HS3ST2: variants seen among roughly 807,000 people sequenced by gnomAD.
The protein encoded by HS3ST2 is heparan sulfate glucosamine 3-O-sulfotransferase 2.
In HS3ST2, 17 loss-of-function variants were observed where a neutral mutation model predicts 26.3. That is an observed-to-expected ratio of 0.65 (90% confidence interval 0.44 to 0.97). The LOEUF (loss-of-function observed/expected upper bound fraction) is 0.97, where lower values mean the gene tolerates loss of function less well. Among genes scored for constraint, HS3ST2 ranks in the 50% least tolerant of loss-of-function variants. The pLI is 0.00. For missense variants in HS3ST2, 402 were observed against 501.2 expected (o/e 0.80, Z 1.89); for synonymous variants, 237 against 219.2 (o/e 1.08, Z -0.72).
rs566821730 is a variant in HS3ST2 at position 22,860,392 on chromosome 16, C to T, written c.485+45297C>T. 3.3e-5 allele frequency among the ~76,000 whole-genome samples: 5 copies of T among 152,222 alleles called. No individual in the cohort carries two copies. The South Asian group carries it at 1.0e-3, about 32-fold the overall frequency. ...TGATTTAACTACCTCCCACTGGGTC[C>T]CTCCCATGACACATGGGAATTATGG... is the stretch of plus-strand genomic sequence containing the variant. On this transcript the variant is annotated intron_variant, in intron 1 of 1. Transcript: ENST00000261374.
At chr16:22,830,147 A>G (rs1420530775) in intron 1 of HS3ST2, among the ~76,000 whole-genome samples, 1 of 150,304 alleles carries the variant, frequency 6.7e-6, no homozygotes, top group African/African-American at 2.4e-5. Flanking sequence ...TGATGCTGTC[A>G]CTGCTTCTCT....
chr16:22,836,401 A>G (rs1057134829), intron 1 of HS3ST2, among the ~76,000 whole-genome samples: 1 of 152,202 alleles, frequency 6.6e-6, no homozygotes, highest in Admixed American at 6.5e-5. Flanking sequence ...GCCTCAGGAA[A>G]CTTACAACCA....
chr16:22,841,596 C>T (rs1901357315), intron 1 of HS3ST2, among the ~76,000 whole-genome samples: 1 of 152,210 alleles, frequency 6.6e-6, no homozygotes, highest in African/African-American at 2.4e-5. Context: ...ATTCCTATCA[C>T]CACCCCCACC....
intron 1 of HS3ST2, among the ~76,000 whole-genome samples, chr16:22,883,790 G>A (rs560763650): frequency 6.6e-6 from 1 of 152,298 alleles, no homozygotes; most frequent in African/African-American, 2.4e-5. Context: ...ATTGAAGAAT[G>A]AATCTGGAAC....
intron 1 of HS3ST2, among the ~76,000 whole-genome samples, chr16:22,884,849 T>TA (rs1425215575): frequency 6.7e-6 from 1 of 149,000 alleles, no homozygotes; most frequent in Non-Finnish European, 1.5e-5. Flanking sequence ...TCTCTGTCTT[T>TA]TTTTTTTTTT....
intron 1 of HS3ST2, among the ~76,000 whole-genome samples, chr16:22,840,354 T>TAAAC: frequency 6.6e-6 from 1 of 152,144 alleles, no homozygotes; most frequent in East Asian, 1.9e-4. Context: ...ACCTTTGCAA[T>TAAAC]TTACCAGCAG....
chr16:22,908,059 C>G (rs547189646), intron 1 of HS3ST2, among the ~76,000 whole-genome samples: 1 of 152,062 alleles, frequency 6.6e-6, no homozygotes, highest in African/African-American at 2.4e-5. Flanking sequence ...CCTGGGAGGT[C>G]GAGGCTGCAG....
Position 22,915,413 on chromosome 16 carries a change from T to A in HS3ST2, c.955T>A (p.Ser319Thr), listed in dbSNP as rs758544841. The A allele has an allele frequency of 5.6e-6, 9 of 1,613,826 alleles. No homozygotes were observed. In the East Asian group the frequency reaches 1.8e-4, roughly 32 times the overall value. Residue 319 changes from serine (S) to threonine (T), a missense_variant, in exon 2 of 2, where the codon TCG (serine) becomes ACG (threonine). Ser to Thr is a moderately conservative substitution (Grantham distance 58). Transcript: ENST00000261374. ...KGFPCLKKTESSLLPRCLGKS... is the reference protein window; with the variant it reads ...KGFPCLKKTETSLLPRCLGKS... ...ATTCCCTTGCTTGAAAAAAACAGAA[T>A]CGAGCCTCCTGCCTCGATGCTTGGG...
intron 1 of HS3ST2, among the ~76,000 whole-genome samples, chr16:22,871,995 G>T (rs1213320893): frequency 6.6e-6 from 1 of 152,220 alleles, no homozygotes; most frequent in Non-Finnish European, 1.5e-5. Flanking sequence ...AACGATTACA[G>T]ATGGTGCCAG....
intron 1 of HS3ST2, among the ~76,000 whole-genome samples, chr16:22,841,768 A>G (rs1475449628): frequency 6.6e-6 from 1 of 152,158 alleles, no homozygotes; most frequent in East Asian, 1.9e-4. Flanking sequence ...TCGTCTTATG[A>G]GTTCAGTTGC....
chr16:22,844,545 A>C (rs927428946), intron 1 of HS3ST2, among the ~76,000 whole-genome samples: 2 of 152,080 alleles, frequency 1.3e-5, no homozygotes, highest in Non-Finnish European at 2.9e-5. Context: ...CCGAAACCTC[A>C]TGTTGAATTG....
intron 1 of HS3ST2, among the ~76,000 whole-genome samples, chr16:22,827,198 T>G (rs998245064): frequency 7.2e-5 from 11 of 151,940 alleles, no homozygotes; most frequent in African/African-American, 2.7e-4. Context: ...GCTGGCATGT[T>G]TGAGGAAAAC....
intron 1 of HS3ST2, among the ~76,000 whole-genome samples, chr16:22,914,051 T>C (rs757513864): frequency 2.0e-5 from 3 of 151,786 alleles, no homozygotes; most frequent in Non-Finnish European, 4.4e-5. Context: ...GGTGAGAGGA[T>C]CAATGGAGCC....
intron 1 of HS3ST2, among the ~76,000 whole-genome samples, chr16:22,885,883 C>T (rs1902052558): frequency 6.6e-6 from 1 of 152,164 alleles, no homozygotes; most frequent in Non-Finnish European, 1.5e-5. Flanking sequence ...TGCCTGGAGT[C>T]AGAGATAGGG....
intron 1 of HS3ST2, among the ~76,000 whole-genome samples, chr16:22,865,167 A>G (rs1901734249): frequency 6.6e-6 from 1 of 152,072 alleles, no homozygotes; most frequent in South Asian, 2.1e-4. Flanking sequence ...TTGAAACCTC[A>G]TTTAAGAAGA....
intron 1 of HS3ST2, among the ~76,000 whole-genome samples, chr16:22,843,813 G>A (rs1344672446): frequency 1.3e-5 from 2 of 152,182 alleles, no homozygotes; most frequent in Admixed American, 6.5e-5. Context: ...AGCATATAGG[G>A]TGGAGACCCT....
intron 1 of HS3ST2, among the ~76,000 whole-genome samples, chr16:22,820,861 G>C (rs534619907): frequency 2.2e-4 from 34 of 152,190 alleles, no homozygotes; most frequent in Non-Finnish European, 4.4e-4. Context: ...CCACTGAAAG[G>C]TTCTAAGAAG....
chr16:22,885,122 T>G (rs1443713416), intron 1 of HS3ST2, among the ~76,000 whole-genome samples: 1 of 152,086 alleles, frequency 6.6e-6, no homozygotes, highest in African/African-American at 2.4e-5. Flanking sequence ...ATTACAGGCA[T>G]AAGCCATCGC....
rs141207530 is a variant in HS3ST2 at position 22,915,675 on chromosome 16, A to T, written c.*113A>T. The T allele has an allele frequency of 1.7e-5, 20 of 1,189,010 alleles. No homozygotes were observed. The Middle Eastern group carries it at 1.1e-3, about 67-fold the overall frequency. 73.7% of individuals were successfully genotyped at this position (1,189,010 alleles called of 1,614,324 possible). A position where few individuals can be genotyped will look rare whatever the true frequency, so the allele number is the denominator to read the frequency against. On this transcript the variant is annotated 3_prime_UTR_variant, in exon 2 of 2. Coordinates refer to ENST00000261374, the MANE Select transcript of HS3ST2 (RefSeq NM_006043.2). ...AACCCTGGCTCCAGCCCCCTTTCCC[A>T]ACTTGAGTTGCATCATCTTGGAACC...
Sources: gnomAD v4.1 joint callset for allele counts (sites outside exome capture counted in the v4.1 genomes callset) on GRCh38, gnomAD v4.1.1 for gene constraint, MANE v1.5 for transcripts, NCBI Gene and HGNC (gene_info 2026-07-23, HGNC 2026-07-21) for gene names.